The following PDE4D variants were observed in gnomAD, a reference collection of about 807,000 sequenced individuals.
PDE4D encodes the protein 3',5'-cyclic-AMP phosphodiesterase 4D.
A neutral mutation model predicts 87.4 loss-of-function variants in PDE4D; 24 were observed. That is an observed-to-expected ratio of 0.27 (90% CI 0.20 to 0.39). The LOEUF (loss-of-function observed/expected upper bound fraction) is 0.39, where lower values mean the gene tolerates loss of function less well. Ranked by LOEUF, PDE4D falls within the 10% of genes least tolerant of loss-of-function variation. The probability of loss-of-function intolerance (pLI) is 1.00; values close to 1 mark genes in which losing one functional copy is unlikely to be tolerated. For missense variants in PDE4D, 714 were observed against 1,041.0 expected (o/e 0.69, Z 4.32); for synonymous variants, 384 against 383.2 (o/e 1.00, Z -0.02).
intron 1 of PDE4D, among the ~76,000 whole-genome samples, chr5:60,330,875 A>G (rs973570219): frequency 2.0e-5 from 3 of 152,190 alleles, no homozygotes; most frequent in African/African-American, 7.2e-5. Context: ...CCACAGGGAG[A>G]TCAACACATC....
intron 6 of PDE4D, among the ~76,000 whole-genome samples, chr5:59,013,446 C>T (rs1753264720): frequency 1.3e-5 from 2 of 151,964 alleles, no homozygotes; most frequent in Non-Finnish European, 1.5e-5. Context: ...CAAATAGATG[C>T]AATAAAAAAT....
chr5:59,280,075 C>G (rs933701139), intron 1 of PDE4D, among the ~76,000 whole-genome samples: 6 of 152,096 alleles, frequency 3.9e-5, no homozygotes, highest in Non-Finnish European at 8.8e-5. Context: ...TTTTTAGGCA[C>G]TAACTTTTAG....
At chr5:59,656,812 C>T (rs1301174733) in intron 1 of PDE4D, among the ~76,000 whole-genome samples, 1 of 152,150 alleles carries the variant, frequency 6.6e-6, no homozygotes, top group Non-Finnish European at 1.5e-5. Flanking sequence ...TTCTGAGACA[C>T]TCTTCAGTTT....
chr5:59,935,903 G>C (rs1363444110), intron 3 of PDE4D, among the ~76,000 whole-genome samples: 2 of 152,184 alleles, frequency 1.3e-5, no homozygotes, highest in African/African-American at 4.8e-5. Context: ...TGTGAATAGT[G>C]CCACAATAAA....
chr5:59,695,209 A>AAT (rs1751578465), intron 1 of PDE4D, among the ~76,000 whole-genome samples: 1 of 151,604 alleles, frequency 6.6e-6, no homozygotes, highest in African/African-American at 2.4e-5. Flanking sequence ...GAAAAAAAAA[A>AAT]AATATCGAGT....
intron 3 of PDE4D, among the ~76,000 whole-genome samples, chr5:59,957,424 C>T (rs1019560953): frequency 4.0e-5 from 6 of 151,476 alleles, no homozygotes; most frequent in Admixed American, 1.3e-4. Context: ...TGTCAGTGCA[C>T]GTATGTGTAT....
At chr5:59,557,510 T>G (rs1211451346) in intron 1 of PDE4D, among the ~76,000 whole-genome samples, 1 of 147,416 alleles carries the variant, frequency 6.8e-6, no homozygotes, top group Non-Finnish European at 1.5e-5. Context: ...TGTGGCCAGG[T>G]TTTTTTTTTT....
At chr5:59,709,180 G>A (rs559599118) in intron 1 of PDE4D, among the ~76,000 whole-genome samples, 51 of 152,134 alleles carry the variant, frequency 3.4e-4, no homozygotes, top group African/African-American at 1.1e-3. Context: ...CCTTTCCCCT[G>A]CAGCCCCGGG....
intron 1 of PDE4D, among the ~76,000 whole-genome samples, chr5:59,651,022 G>A (rs298019): frequency 0.38 from 57,027 of 151,716 alleles, 11,296 homozygotes; most frequent in East Asian, 0.73. Flanking sequence ...TTGGGAGGCC[G>A]AGGTGGGCGG....
At chr5:60,397,042 T>A (rs1762935329) in intron 1 of PDE4D, among the ~76,000 whole-genome samples, 2 of 152,178 alleles carry the variant, frequency 1.3e-5, no homozygotes, top group Admixed American at 6.5e-5. Flanking sequence ...CTACTAGCAC[T>A]CACAGTATTT....
intron 1 of PDE4D, among the ~76,000 whole-genome samples, chr5:60,453,213 C>T (rs903966059): frequency 4.6e-5 from 7 of 152,018 alleles, no homozygotes; most frequent in African/African-American, 1.7e-4. Flanking sequence ...TGACCAAATT[C>T]TCCTAGACTG....
intron 1 of PDE4D, among the ~76,000 whole-genome samples, chr5:59,682,439 C>A (rs191400049): frequency 2.0e-4 from 30 of 152,262 alleles, no homozygotes; most frequent in African/African-American, 7.0e-4. Flanking sequence ...TGACTATCAT[C>A]CCCAGGAAAC....
At chr5:59,481,912 C>CA (rs887824684) in intron 1 of PDE4D, among the ~76,000 whole-genome samples, 8 of 149,896 alleles carry the variant, frequency 5.3e-5, no homozygotes, top group Admixed American at 6.7e-5. Flanking sequence ...GAGAAAGAGC[C>CA]AAAAAAAAAT....
At chr5:59,030,624 A>G (rs1317593165) in intron 6 of PDE4D, among the ~76,000 whole-genome samples, 9 of 152,000 alleles carry the variant, frequency 5.9e-5, no homozygotes, top group African/African-American at 1.9e-4. Context: ...AGTCCTGGCT[A>G]CTTGGGAGGC....
At chr5:60,411,848 T>C (rs1742070794) in intron 1 of PDE4D, among the ~76,000 whole-genome samples, 1 of 152,284 alleles carries the variant, frequency 6.6e-6, no homozygotes. Context: ...AATCTCAATT[T>C]ACATACTAGT....
intron 1 of PDE4D, among the ~76,000 whole-genome samples, chr5:60,407,444 C>CTTTTTTTTTTT (rs70975385): frequency 1.2e-5 from 1 of 80,092 alleles, no homozygotes; most frequent in African/African-American, 5.8e-5. Context: ...TTTCTTTTTC[C>CTTTTTTTTTTT]TTTTTTTTTT....
At chr5:59,286,395 T>C (rs1037802752) in intron 1 of PDE4D, among the ~76,000 whole-genome samples, 1 of 152,186 alleles carries the variant, frequency 6.6e-6, no homozygotes, top group Non-Finnish European at 1.5e-5. Context: ...GACTTAAACT[T>C]AGATTACCCA....
At position 59,268,606 on chromosome 5, in the gene PDE4D, T is replaced by C. The variant is rs185982238; in HGVS notation, c.456-52638A>G. On this transcript the variant is annotated intron_variant, in intron 1 of 14. Coordinates refer to ENST00000340635, the MANE Select transcript of PDE4D (RefSeq NM_001104631.2). ...TCAACCCCTGTATTATATTTTGAGATATTGGATCACCTCTGGAAAGGCTTC... is the reference window on the plus strand; with the variant it reads ...TCAACCCCTGTATTATATTTTGAGACATTGGATCACCTCTGGAAAGGCTTC... Among the ~76,000 whole-genome samples, 75 of 152,194 alleles carry C rather than the reference T, an allele frequency of 4.9e-4. 1 individual carries two copies. The highest frequency in any genetic ancestry group is 3.4e-3 in the Middle Eastern group (1 of 294).
At chr5:60,122,631 C>A (rs538068703) in intron 2 of PDE4D, among the ~76,000 whole-genome samples, 7 of 152,170 alleles carry the variant, frequency 4.6e-5, no homozygotes, top group Non-Finnish European at 1.0e-4. Flanking sequence ...GCCTGGCCCA[C>A]AAAACCATTT....
Sources: allele counts gnomAD v4.1 joint callset (sites outside exome capture counted in the v4.1 genomes callset), GRCh38; gene constraint gnomAD v4.1.1; transcripts MANE v1.5; gene names NCBI Gene and HGNC (gene_info 2026-07-23, HGNC 2026-07-21).